The following CSMD1 variants were observed in gnomAD, a reference collection of about 807,000 sequenced individuals.
The protein encoded by CSMD1 is CUB and Sushi multiple domains 1.
In CSMD1, 213 loss-of-function variants were observed where a neutral mutation model predicts 417.5. That is an observed-to-expected ratio of 0.51 (90% CI 0.46 to 0.57). The LOEUF (loss-of-function observed/expected upper bound fraction) is 0.57. Ranked by LOEUF, CSMD1 falls within the 20% of genes least tolerant of loss-of-function variation. The pLI is 0.00. For synonymous variants in CSMD1, 2,862 were observed against 1,736.8 expected (o/e 1.65, Z -16.11); for missense variants, 6,923 against 4,529.7 (o/e 1.53, Z -15.17).
At chr8:4,005,352 T>C (rs192443138) in intron 4 of CSMD1, among the ~76,000 whole-genome samples, 3 of 152,182 alleles carry the variant, frequency 2.0e-5, no homozygotes, top group Non-Finnish European at 4.4e-5. Flanking sequence ...GAAAACGTAA[T>C]GCAGGGGCGG....
chr8:4,282,558 C>T (rs759527901), intron 3 of CSMD1, among the ~76,000 whole-genome samples: 9 of 152,152 alleles, frequency 5.9e-5, no homozygotes, highest in Non-Finnish European at 1.2e-4. Context: ...TTCTATGCAG[C>T]ACCATAAAAT....
chr8:4,367,207 G>A (rs1383245031), intron 3 of CSMD1, among the ~76,000 whole-genome samples: 1 of 152,058 alleles, frequency 6.6e-6, no homozygotes, highest in Non-Finnish European at 1.5e-5. Context: ...AATCCATCTG[G>A]AGTTATTTTT....
intron 1 of CSMD1, among the ~76,000 whole-genome samples, chr8:4,761,613 C>A (rs1284005595): frequency 1.3e-5 from 2 of 152,016 alleles, no homozygotes; most frequent in Non-Finnish European, 2.9e-5. Context: ...AACCATTTAT[C>A]TTTAACACTC....
At chr8:3,290,129 A>C (rs1250904694) in intron 25 of CSMD1, among the ~76,000 whole-genome samples, 1 of 146,658 alleles carries the variant, frequency 6.8e-6, no homozygotes, top group African/African-American at 2.7e-5. Flanking sequence ...CAAAGATCAG[A>C]TAGTTGTAGA....
At chr8:3,799,335 G>A (rs948692706) in intron 5 of CSMD1, among the ~76,000 whole-genome samples, 4 of 150,724 alleles carry the variant, frequency 2.7e-5, no homozygotes, top group African/African-American at 9.8e-5. Flanking sequence ...CCATGCTGGT[G>A]TGCTGCACCC....
At chr8:3,032,324 C>G (rs1810395403) in intron 50 of CSMD1, among the ~76,000 whole-genome samples, 1 of 151,802 alleles carries the variant, frequency 6.6e-6, no homozygotes, top group Non-Finnish European at 1.5e-5. Flanking sequence ...ATAATATAAA[C>G]CAAGAGGATG....
intron 18 of CSMD1, 110 bp from the exon 19 acceptor site, chr8:3,369,480 G>T (rs997005444): frequency 4.8e-6 from 3 of 619,186 alleles, no homozygotes; most frequent in Non-Finnish European, 8.7e-6. Flanking sequence ...CAAATTTAAT[G>T]TCATATCCAA....
intron 1 of CSMD1, among the ~76,000 whole-genome samples, chr8:4,663,632 C>T (rs1348676471): frequency 6.6e-6 from 1 of 152,162 alleles, no homozygotes; most frequent in African/African-American, 2.4e-5. Flanking sequence ...CCTACTTTCC[C>T]TTCCACTATG....
chr8:3,755,149 G>C (rs1399034271), intron 5 of CSMD1, among the ~76,000 whole-genome samples: 1 of 152,210 alleles, frequency 6.6e-6, no homozygotes, highest in Non-Finnish European at 1.5e-5. Context: ...CTGCCCGTTA[G>C]AGGCGCAAGG....
At chr8:4,808,045 G>T (rs186519440) in intron 1 of CSMD1, among the ~76,000 whole-genome samples, 10 of 152,268 alleles carry the variant, frequency 6.6e-5, no homozygotes, top group African/African-American at 1.9e-4. Context: ...ACATCTGGTT[G>T]ACTTTTGTAA....
chr8:4,228,492 A>G (rs886855619), intron 3 of CSMD1, among the ~76,000 whole-genome samples: 8 of 149,642 alleles, frequency 5.3e-5, no homozygotes, highest in Non-Finnish European at 7.4e-5. Context: ...TCCTCCCCCA[A>G]CTGTCTCTGG....
At position 4,048,163 on chromosome 8, in the gene CSMD1, G is replaced by C. The variant is rs1019674747; in HGVS notation, c.416-16064C>G. On this transcript the variant is annotated intron_variant, in intron 3 of 69. Transcript: ENST00000635120. ...TGAAAAGAATGAATGTACGCAGTCA[G>C]ACTTTGTTTTGGTTGTTGGTGCTGT... Among the ~76,000 whole-genome samples, 22 of 152,110 alleles carry C rather than the reference G, an allele frequency of 1.4e-4. 1 individual carries two copies. Among genetic ancestry groups the C allele is most frequent in the African/African-American group, 4.3e-4 (18 of 41,420 alleles).
At chr8:4,349,497 G>C (rs1392037858) in intron 3 of CSMD1, among the ~76,000 whole-genome samples, 2 of 152,130 alleles carry the variant, frequency 1.3e-5, no homozygotes, top group Non-Finnish European at 2.9e-5. Flanking sequence ...GCTCTATCTA[G>C]AATCTACCTT....
rs146446296 is a variant in CSMD1 at position 4,338,516 on chromosome 8, A to C, written c.415+81437T>G. 3.2e-4 allele frequency among the ~76,000 whole-genome samples: 49 copies of C among 152,174 alleles called. 1 individual carries two copies. The East Asian group carries it at 8.3e-3, about 26-fold the overall frequency. On this transcript the variant is annotated intron_variant, in intron 3 of 69. Transcript: ENST00000635120. The stretch of plus-strand genomic sequence containing the variant: ...GGGATATTGTACTTTGTACCTTCAA[A>C]GTTCTTCGGCTTTTTCTAGTTTACT...
chr8:3,978,883 A>C (rs755553470), intron 5 of CSMD1, among the ~76,000 whole-genome samples: 11 of 152,318 alleles, frequency 7.2e-5, no homozygotes, highest in Middle Eastern at 3.4e-3. Context: ...AAAGGAACAC[A>C]ATATGGGAAC....
chr8:4,856,183 GA>G (rs1221617208), intron 1 of CSMD1, among the ~76,000 whole-genome samples: 13 of 126,496 alleles, frequency 1.0e-4, no homozygotes. Flanking sequence ...AAGTGAAGGA[GA>G]AATAAAATCC....
At chr8:4,069,211 T>C (rs925920203) in intron 3 of CSMD1, among the ~76,000 whole-genome samples, 1 of 152,182 alleles carries the variant, frequency 6.6e-6, no homozygotes, top group Non-Finnish European at 1.5e-5. Flanking sequence ...GAGGCGTGAA[T>C]GTAAAATTGT....
intron 4 of CSMD1, among the ~76,000 whole-genome samples, chr8:4,003,511 T>C (rs1049377083): frequency 1.3e-5 from 2 of 151,594 alleles, no homozygotes; most frequent in African/African-American, 4.8e-5. Flanking sequence ...TAAATAAGAG[T>C]GAATTCTAGA....
rs758159540 is a variant in CSMD1 at position 3,029,340 on chromosome 8, C to T, written c.7834G>A (p.Asp2612Asn). ...CQANGTWNIGDERPSCRVISC... is the reference protein window; with the variant it reads ...CQANGTWNIGNERPSCRVISC... ...TTACCTCGACAGCTTGGCCTCTCAT[C>T]TCCTATGTTCCACGTCCCATTGGCC... Residue 2612 changes from aspartate to asparagine, a missense_variant, in exon 51 of 70, where the codon GAT (aspartate) becomes AAT (asparagine). Coordinates refer to ENST00000635120, the MANE Select transcript of CSMD1 (RefSeq NM_033225.6). 2 of 1,608,498 alleles carry T rather than the reference C, an allele frequency of 1.2e-6. No individual in the cohort carries two copies. Among genetic ancestry groups the T allele is most frequent in the Admixed American group, 3.4e-5 (2 of 59,246 alleles).
Sources: gnomAD v4.1 joint callset for allele counts (sites outside exome capture counted in the v4.1 genomes callset) on GRCh38, gnomAD v4.1.1 for gene constraint, MANE v1.5 for transcripts, NCBI Gene and HGNC (gene_info 2026-07-23, HGNC 2026-07-21) for gene names.